The following DNAAF4 variants were observed in gnomAD, a reference collection of about 807,000 sequenced individuals.
The protein encoded by DNAAF4 is dynein axonemal assembly factor 4.
A neutral mutation model predicts 51.8 loss-of-function variants in DNAAF4; 43 were observed. The ratio of observed to expected loss-of-function variants is 0.83; its 90% CI spans 0.65 to 1.07. The LOEUF (loss-of-function observed/expected upper bound fraction) is 1.07, where lower values mean the gene tolerates loss of function less well. Ranked by LOEUF, DNAAF4 falls within the 50% of genes least tolerant of loss-of-function variation. DNAAF4 has a pLI of 0.00. For synonymous variants in DNAAF4, 194 were observed against 165.6 expected (o/e 1.17, Z -1.32); for missense variants, 581 against 493.0 (o/e 1.18, Z -1.69).
chr15:55,483,894 A>G (rs985106117), intron 4 of DNAAF4, among the ~76,000 whole-genome samples: 5 of 137,834 alleles, frequency 3.6e-5, no homozygotes, highest in African/African-American at 1.4e-4. Context: ...AGGCCAAATA[A>G]TGGGAGAAGA....
rs138231766 is a variant in DNAAF4 at position 55,482,623 on chromosome 15, G to C, written c.405+8500C>G. Among the ~76,000 whole-genome samples the C allele has an allele frequency of 1.3e-3, 205 of 152,236 alleles. 1 individual carries two copies. The highest frequency in any genetic ancestry group is 4.7e-3 in the African/African-American group (197 of 41,544). ...GAACCCAGGAAGGAGAGGTTGCAGT[G>C]AGCTGAGATCATGCCATTGCACTCC... On this transcript the variant is annotated intron_variant, in intron 4 of 9. Transcript: ENST00000321149.
chr15:55,480,359 C>A (rs2058392425), intron 4 of DNAAF4, among the ~76,000 whole-genome samples: 1 of 152,078 alleles, frequency 6.6e-6, no homozygotes, highest in South Asian at 2.1e-4. Flanking sequence ...CCCCCTCCAG[C>A]CTTTAACCAG....
chr15:55,463,213 A>AG (rs1555417416), intron 5 of DNAAF4, among the ~76,000 whole-genome samples: 1 of 108,842 alleles, frequency 9.2e-6, no homozygotes, highest in Non-Finnish European at 2.1e-5. Context: ...CACACACACA[A>AG]AGCATTTGAC....
chr15:55,505,742 A>C (rs1366902667), intron 1 of DNAAF4, among the ~76,000 whole-genome samples: 1 of 151,998 alleles, frequency 6.6e-6, no homozygotes, highest in Non-Finnish European at 1.5e-5. Context: ...CAGGGAGGGG[A>C]ACATTACACA....
chr15:55,492,603 G>A (rs997971088), intron 3 of DNAAF4, among the ~76,000 whole-genome samples: 13 of 151,638 alleles, frequency 8.6e-5, no homozygotes, highest in East Asian at 3.9e-4. Flanking sequence ...GCTGTGGTCC[G>A]ATCTCAGCTC....
chr15:55,422,603 T>A (rs948374383), intron 7 of DNAAF4, among the ~76,000 whole-genome samples: 1 of 152,106 alleles, frequency 6.6e-6, no homozygotes, highest in African/African-American at 2.4e-5. Flanking sequence ...GGAGAGGGAA[T>A]GACCCAGCAG....
intron 6 of DNAAF4, among the ~76,000 whole-genome samples, chr15:55,449,990 C>T (rs555625065): frequency 6.6e-6 from 1 of 152,094 alleles, no homozygotes; most frequent in South Asian, 2.1e-4. Flanking sequence ...TGAGCCACTG[C>T]GCCCGGCCTA....
intron 3 of DNAAF4, among the ~76,000 whole-genome samples, chr15:55,497,274 C>G (rs1420294679): frequency 6.6e-6 from 1 of 151,864 alleles, no homozygotes; most frequent in Non-Finnish European, 1.5e-5. Context: ...TTTTATAGAC[C>G]CAGCTATTGA....
At chr15:55,502,721 C>T (rs1385019035) in intron 1 of DNAAF4, among the ~76,000 whole-genome samples, 1 of 152,060 alleles carries the variant, frequency 6.6e-6, no homozygotes, top group Non-Finnish European at 1.5e-5. Flanking sequence ...TTATTTGAAA[C>T]CAGTAAGAAC....
chr15:55,437,027 T>A (rs886346224), intron 7 of DNAAF4, among the ~76,000 whole-genome samples: 5 of 149,060 alleles, frequency 3.4e-5, no homozygotes, highest in Non-Finnish European at 7.4e-5. Context: ...TCCTTGCTGT[T>A]CAGTCTGGTG....
At chr15:55,465,427 C>G (rs1427834709) in intron 5 of DNAAF4, among the ~76,000 whole-genome samples, 5 of 149,328 alleles carry the variant, frequency 3.3e-5, no homozygotes, top group East Asian at 2.0e-4. Flanking sequence ...CACACAGACA[C>G]ACATACAATC....
At chr15:55,446,168 C>G (rs1464938608) in intron 6 of DNAAF4, among the ~76,000 whole-genome samples, 5 of 146,848 alleles carry the variant, frequency 3.4e-5, no homozygotes, top group Non-Finnish European at 7.5e-5. Context: ...CAGAGGCGCT[C>G]CTCACCTCCC....
intron 7 of DNAAF4, chr15:55,418,552 T>C: frequency 6.8e-7 from 1 of 1,471,798 alleles, no homozygotes; most frequent in East Asian, 2.5e-5. Context: ...ATTTTCCTAA[T>C]ATTCAACACA....
intron 4 of DNAAF4, among the ~76,000 whole-genome samples, chr15:55,484,864 G>A (rs1308178645): frequency 1.3e-5 from 2 of 152,158 alleles, no homozygotes; most frequent in Non-Finnish European, 2.9e-5. Context: ...TTTTCTGCCT[G>A]CTTTATATAC....
chr15:55,486,176 TG>T (rs2058485772), intron 4 of DNAAF4, among the ~76,000 whole-genome samples: 1 of 137,024 alleles, frequency 7.3e-6, no homozygotes, highest in African/African-American at 3.6e-5. Context: ...TCTGTTTGTT[TG>T]GTTGGTTGGT....
rs751610886 is a variant in DNAAF4, at chr15:55,467,043, AT to A, written c.523del (p.Ile175PhefsTer21). On this transcript the variant is annotated frameshift_variant, in exon 5 of 10. Coordinates refer to ENST00000321149, the MANE Select transcript of DNAAF4 (RefSeq NM_130810.4). LOFTEE classifies it high-confidence loss of function. ...YQRKAEEQKK[I>X]QREEKLCQKE... ...TTGACATAATTTCTCTTCTCTCTGA[AT>A]TTTTTTTTGCTCCTCAGCTTTTCTT... The A allele has an allele frequency of 1.5e-4, 235 of 1,546,014 alleles. No homozygotes were observed. Among genetic ancestry groups the A allele is most frequent in the Admixed American group, 1.1e-3 (54 of 50,122 alleles).
At chr15:55,418,527 G>A in intron 7 of DNAAF4, 1 of 1,515,298 alleles carries the variant, frequency 6.6e-7, no homozygotes, top group Non-Finnish European at 8.8e-7. Flanking sequence ...GCACCTGACA[G>A]AACCAGAACT....
At chr15:55,496,494 A>G (rs2058642843) in intron 3 of DNAAF4, among the ~76,000 whole-genome samples, 1 of 152,178 alleles carries the variant, frequency 6.6e-6, no homozygotes, top group Admixed American at 6.5e-5. Context: ...AACTTTCCAT[A>G]TGTCAGTAGC....
chr15:55,449,767 C>T (rs959538455), intron 6 of DNAAF4, among the ~76,000 whole-genome samples: 2 of 140,018 alleles, frequency 1.4e-5, no homozygotes, highest in Non-Finnish European at 3.0e-5. Flanking sequence ...GGTGCAATCT[C>T]GGCTCACTGC....
Sources: gnomAD v4.1 joint callset for allele counts (sites outside exome capture counted in the v4.1 genomes callset) on GRCh38, gnomAD v4.1.1 for gene constraint, MANE v1.5 for transcripts, NCBI Gene and HGNC (gene_info 2026-07-23, HGNC 2026-07-21) for gene names.